The following KIAA0232 variants were observed in gnomAD, a reference collection of about 807,000 sequenced individuals.
KIAA0232 encodes KIAA0232.
KIAA0232 carries 27 observed loss-of-function variants against 122.0 expected under a neutral mutation model. That is an observed-to-expected ratio of 0.22 (90% CI 0.16 to 0.31). The LOEUF is 0.31. KIAA0232 is among the 10% of genes least tolerant of loss of function. The pLI, the probability that KIAA0232 is intolerant of heterozygous loss-of-function variation, is 1.00. For synonymous variants in KIAA0232, 613 were observed against 587.6 expected (o/e 1.04, Z -0.63); for missense variants, 1,551 against 1,634.2 (o/e 0.95, Z 0.88).
At chr4:6,828,879 C>A (rs1483588868) in intron 3 of KIAA0232, among the ~76,000 whole-genome samples, 2 of 152,100 alleles carry the variant, frequency 1.3e-5, no homozygotes, top group Non-Finnish European at 1.5e-5. Flanking sequence ...ATTACAATTA[C>A]AAAATTCAGG....
intron 3 of KIAA0232, among the ~76,000 whole-genome samples, chr4:6,840,189 T>A (rs963046370): frequency 6.6e-6 from 1 of 152,182 alleles, no homozygotes; most frequent in Non-Finnish European, 1.5e-5. Flanking sequence ...TGCAGCCAGC[T>A]CCTTGTAGGG....
intron 7 of KIAA0232, among the ~76,000 whole-genome samples, chr4:6,868,152 G>A (rs1013060691): frequency 6.6e-6 from 1 of 152,204 alleles, no homozygotes; most frequent in Non-Finnish European, 1.5e-5. Flanking sequence ...CAGCTGTGAA[G>A]CCTTTGTTTC....
chr4:6,820,024 C>T (rs977393713), intron 2 of KIAA0232, among the ~76,000 whole-genome samples: 2 of 152,122 alleles, frequency 1.3e-5, no homozygotes, highest in Admixed American at 1.3e-4. Flanking sequence ...TGTGTGTTCT[C>T]ACTTAGAAGT....
rs948750999 is a variant in KIAA0232 at position 6,881,720 on chromosome 4, A to C, written c.*754A>C. On this transcript the variant is annotated 3_prime_UTR_variant, in exon 10 of 10. Coordinates refer to ENST00000307659, the MANE Select transcript of KIAA0232 (RefSeq NM_014743.3). ...TTACCTGCTCTCATACTGCAGTTAC[A>C]TTTACACCAAAACCCCATGCAGGGT... The C allele has an allele frequency of 6.6e-6, 1 of 152,518 alleles. No homozygotes were observed. The highest frequency in any genetic ancestry group is 2.4e-5 in the African/African-American group (1 of 41,410). 9.4% of individuals were successfully genotyped at this position (152,518 alleles called of 1,614,324 possible). A position where few individuals can be genotyped will look rare whatever the true frequency, so the allele number is the denominator to read the frequency against.
rs559658699 is a variant in KIAA0232, at chr4:6,817,490, C to T, written c.-269-6695C>T. 4.1e-4 allele frequency among the ~76,000 whole-genome samples: 63 copies of T among 152,334 alleles called. 2 individuals are homozygous for T. In the South Asian group the frequency reaches 0.011, roughly 27 times the overall value. ...TCGGCCTCCCAAAGTGCTGGGATTA[C>T]AGGCGTGAGCCACTGTGCCTAGCCT... On this transcript the variant is annotated intron_variant, in intron 2 of 9. Transcript: ENST00000307659.
At chr4:6,838,239 A>G (rs1407313716) in intron 3 of KIAA0232, among the ~76,000 whole-genome samples, 1 of 148,582 alleles carries the variant, frequency 6.7e-6, no homozygotes, top group Non-Finnish European at 1.5e-5. Flanking sequence ...CCCAAACTGG[A>G]GCACAGTGGC....
intron 3 of KIAA0232, among the ~76,000 whole-genome samples, chr4:6,832,063 G>A (rs11940636): frequency 0.039 from 5,937 of 152,208 alleles, 368 homozygotes; most frequent in African/African-American, 0.13. Context: ...TCTTTGTGTC[G>A]TTATTGGCTT....
At chr4:6,788,967 C>CT (rs71646657) in intron 1 of KIAA0232, among the ~76,000 whole-genome samples, 46,001 of 149,710 alleles carry the variant, frequency 0.31, 7,408 homozygotes, top group Middle Eastern at 0.35. Context: ...CATTTTCTTT[C>CT]TTTTTTTTTT....
At chr4:6,795,429 A>G (rs10018002) in intron 1 of KIAA0232, among the ~76,000 whole-genome samples, 31,015 of 152,164 alleles carry the variant, frequency 0.2, 3,540 homozygotes, top group East Asian at 0.54. Context: ...CGCTGTGTCA[A>G]TTATGTACCA....
At chr4:6,815,353 A>G (rs187400296) in intron 2 of KIAA0232, among the ~76,000 whole-genome samples, 2 of 152,300 alleles carry the variant, frequency 1.3e-5, no homozygotes, top group East Asian at 1.9e-4. Context: ...TCGTGAACCA[A>G]CATACCTAGG....
chr4:6,783,634 G>A (rs1407907357), intron 1 of KIAA0232, among the ~76,000 whole-genome samples: 1 of 150,908 alleles, frequency 6.6e-6, no homozygotes, highest in Admixed American at 6.6e-5. Flanking sequence ...GGCCGCAGGC[G>A]GGCGGGGCCG....
intron 4 of KIAA0232, among the ~76,000 whole-genome samples, chr4:6,846,297 T>C (rs551258360): frequency 6.6e-6 from 1 of 152,126 alleles, no homozygotes; most frequent in Non-Finnish European, 1.5e-5. Flanking sequence ...TATAGATCCC[T>C]TAAACCAGGT....
intron 1 of KIAA0232, among the ~76,000 whole-genome samples, chr4:6,797,278 C>T (rs567349267): frequency 5.0e-4 from 76 of 152,242 alleles, no homozygotes; most frequent in African/African-American, 1.8e-3. Flanking sequence ...TCAGGTAGCA[C>T]CCTGCATTTT....
rs1720497451 is a variant in KIAA0232, at chr4:6,855,048, AC to A, written c.370-2113del. Among the ~76,000 whole-genome samples the A allele has an allele frequency of 6.6e-6, 1 of 151,652 alleles. No homozygotes were observed. Among genetic ancestry groups the A allele is most frequent in the Non-Finnish European group, 1.5e-5 (1 of 67,852 alleles). ...TGCTTCCCAGCTTGCTGTGATGGTG[AC>A]CCAGGGTTCTCATGATTTTTTATTT... is the stretch of plus-strand genomic sequence containing the variant. On this transcript the variant is annotated intron_variant, in intron 4 of 9. Transcript: ENST00000307659. The surrounding 1 kb of genome is among the most constrained non-coding windows in gnomAD (Gnocchi z 4.3).
intron 1 of KIAA0232, among the ~76,000 whole-genome samples, chr4:6,795,698 T>C (rs979269542): frequency 6.6e-6 from 1 of 152,170 alleles, no homozygotes; most frequent in Non-Finnish European, 1.5e-5. Context: ...GCTCAAGTAG[T>C]CCTCCCATTT....
intron 3 of KIAA0232, among the ~76,000 whole-genome samples, chr4:6,833,147 T>C (rs1036332386): frequency 2.6e-5 from 4 of 152,214 alleles, no homozygotes; most frequent in Non-Finnish European, 5.9e-5. Flanking sequence ...TTAGAATCTT[T>C]AACAATAGGA....
intron 7 of KIAA0232, among the ~76,000 whole-genome samples, chr4:6,867,505 G>A (rs1721248266): frequency 6.6e-6 from 1 of 152,202 alleles, no homozygotes; most frequent in Non-Finnish European, 1.5e-5. Context: ...TACATTTGTG[G>A]TGAAAATGTT....
chr4:6,815,975 G>T (rs890400581), intron 2 of KIAA0232, among the ~76,000 whole-genome samples: 1 of 152,118 alleles, frequency 6.6e-6, no homozygotes, highest in African/African-American at 2.4e-5. Flanking sequence ...ACAACAAAAA[G>T]AATCTTATGG....
Position 6,862,190 on chromosome 4 carries a change from G to C in KIAA0232, c.1808G>C (p.Gly603Ala). 1.5e-5 allele frequency: 25 copies of C among 1,614,130 alleles called. No homozygotes were observed. The highest frequency in any genetic ancestry group is 2.1e-5 in the Non-Finnish European group (25 of 1,180,026). ...CCSSSSGDAD[G>A]ESFGGDSPVR... is the part of the protein sequence containing the mutation. The stretch of plus-strand genomic sequence containing the variant: ...TCATCCAGCTCCGGTGATGCTGATG[G>C]GGAGAGTTTTGGAGGAGACTCTCCA... Residue 603 changes from glycine to alanine, a missense_variant, in exon 7 of 10, where the codon GGG (glycine) becomes GCG (alanine). Coordinates refer to ENST00000307659, the MANE Select transcript of KIAA0232 (RefSeq NM_014743.3).
Sources: allele counts gnomAD v4.1 joint callset (sites outside exome capture counted in the v4.1 genomes callset), GRCh38; gene constraint gnomAD v4.1.1; non-coding constraint Gnocchi (gnomAD v3.1); transcripts MANE v1.5; gene names NCBI Gene and HGNC (gene_info 2026-07-23, HGNC 2026-07-21).